CCDC93: variants seen among roughly 807,000 people sequenced by gnomAD.
The protein encoded by CCDC93 is CCC complex scaffolding subunit CCDC93, also known as coiled-coil domain-containing protein 93.
In CCDC93, 61 loss-of-function variants were observed where a neutral mutation model predicts 108.2. The ratio of observed to expected loss-of-function variants is 0.56; its 90% CI spans 0.46 to 0.70. The LOEUF (loss-of-function observed/expected upper bound fraction) is 0.70. Ranked by LOEUF, CCDC93 falls within the 30% of genes least tolerant of loss-of-function variation. The pLI, the probability that CCDC93 is intolerant of heterozygous loss-of-function variation, is 0.00. For missense variants in CCDC93, 685 were observed against 764.2 expected (o/e 0.90, Z 1.22); for synonymous variants, 276 against 260.4 (o/e 1.06, Z -0.58).
At chr2:117,928,428 C>A (rs1432022168) in intron 23 of CCDC93, among the ~76,000 whole-genome samples, 1 of 152,118 alleles carries the variant, frequency 6.6e-6, no homozygotes, top group Non-Finnish European at 1.5e-5. Context: ...AAAAAAACAA[C>A]CCCATCAAAA....
chr2:117,926,886 C>G (rs1198450520), intron 23 of CCDC93, among the ~76,000 whole-genome samples: 1 of 152,154 alleles, frequency 6.6e-6, no homozygotes, highest in Non-Finnish European at 1.5e-5. Context: ...TACTGGCAAA[C>G]CGAATCCAGC....
chr2:117,937,678 G>A (rs1250946291), intron 20 of CCDC93, among the ~76,000 whole-genome samples: 1 of 152,184 alleles, frequency 6.6e-6, no homozygotes, highest in Non-Finnish European at 1.5e-5. Flanking sequence ...CTTTGGGAAG[G>A]GGCTGGCCTA....
At chr2:117,959,805 A>C (rs923867734) in intron 11 of CCDC93, among the ~76,000 whole-genome samples, 1 of 152,194 alleles carries the variant, frequency 6.6e-6, no homozygotes, top group Admixed American at 6.5e-5. Context: ...AAATGTCAAC[A>C]TTATTTTAGC....
intron 11 of CCDC93, among the ~76,000 whole-genome samples, chr2:117,963,922 A>T (rs920255386): frequency 6.6e-6 from 1 of 152,232 alleles, no homozygotes; most frequent in South Asian, 2.1e-4. Flanking sequence ...TCTGAAATGT[A>T]TAAGTTGTGC....
intron 23 of CCDC93, 83 bp from the exon 24 acceptor site, chr2:117,920,479 C>A: frequency 2.1e-6 from 2 of 943,564 alleles, no homozygotes; most frequent in East Asian, 2.5e-5. Flanking sequence ...AAGCCCTTCC[C>A]ATATCCCTAT....
At chr2:117,945,681 A>T in intron 16 of CCDC93, 99 bp from the exon 17 acceptor site, 1 of 966,132 alleles carries the variant, frequency 1.0e-6, no homozygotes. Flanking sequence ...CAGGGGCATA[A>T]GGGTGCAGCT....
Position 117,935,553 on chromosome 2 carries a change from T to C in CCDC93, c.1670A>G (p.Asp557Gly). ...CTGTTCCATCTGACGTAAAAACTGGTCCCGGGCAGCAGGGGAGGCCATGGC... is the reference window on the plus strand; with the variant it reads ...CTGTTCCATCTGACGTAAAAACTGGCCCCGGGCAGCAGGGGAGGCCATGGC... Reference protein sequence around the residue: ...SQAMASPAARDQFLRQMEQIV... With the variant: ...SQAMASPAARGQFLRQMEQIV... The change falls in exon 22 of 24, where the codon GAC (aspartate) becomes GGC (glycine). Residue 557 changes from aspartate (D) to glycine (G), a missense_variant. Asp to Gly is a moderately conservative substitution (Grantham distance 94). Coordinates refer to ENST00000376300, the MANE Select transcript of CCDC93 (RefSeq NM_019044.5). The C allele has an allele frequency of 6.2e-7, 1 of 1,613,842 alleles. No individual in the cohort carries two copies. Among genetic ancestry groups the C allele is most frequent in the Non-Finnish European group, 8.5e-7 (1 of 1,179,854 alleles).
intron 8 of CCDC93, among the ~76,000 whole-genome samples, chr2:117,977,094 C>A (rs984501832): frequency 2.6e-5 from 4 of 152,104 alleles, no homozygotes; most frequent in Non-Finnish European, 5.9e-5. Flanking sequence ...CACCACCACT[C>A]CCGGAGAATG....
chr2:117,946,755 T>A, intron 16 of CCDC93, 56 bp downstream of exon 16: 1 of 1,270,638 alleles, frequency 7.9e-7, no homozygotes, highest in Non-Finnish European at 1.2e-6. Flanking sequence ...CCTCTAGAAC[T>A]ATCTTTTTCC....
chr2:117,963,488 C>T (rs566565622), intron 11 of CCDC93, among the ~76,000 whole-genome samples: 2 of 152,218 alleles, frequency 1.3e-5, no homozygotes, highest in South Asian at 4.1e-4. Context: ...GAATCATCCA[C>T]TTTCCCTGAT....
intron 11 of CCDC93, among the ~76,000 whole-genome samples, chr2:117,965,156 C>A (rs1294912886): frequency 2.6e-5 from 4 of 152,046 alleles, no homozygotes; most frequent in Admixed American, 2.6e-4. Flanking sequence ...TTTAGACCCC[C>A]AAACCCTCCT....
chr2:118,000,631 T>A, intron 4 of CCDC93, 190 bp downstream of exon 4: 1 of 532,070 alleles, frequency 1.9e-6, no homozygotes, highest in Admixed American at 3.3e-5. Flanking sequence ...AGCATGAAAC[T>A]AGAGTATATG....
chr2:117,995,456 A>C lies in CCDC93; in HGVS notation c.509T>G (p.Val170Gly). The change falls in exon 6 of 24, where the codon GTG becomes GGG. Residue 170 changes from valine (V) to glycine (G), a missense_variant. By Grantham distance (109) the Val-to-Gly change is moderately radical. Coordinates refer to ENST00000376300, the MANE Select transcript of CCDC93 (RefSeq NM_019044.5). Reference protein sequence around the residue: ...KRKEKAIKTVVDLSEVYKPRR... With the variant: ...KRKEKAIKTVGDLSEVYKPRR... ...GGCCAGGGGACTTACTGAGAGGTCC[A>C]CAACTGTCTTGATGGCCTTTTCTTT... 1.2e-6 allele frequency: 2 copies of C among 1,613,162 alleles called. No individual in the cohort carries two copies. The highest frequency in any genetic ancestry group is 1.7e-6 in the Non-Finnish European group (2 of 1,179,032).
Position 117,918,561 on chromosome 2 carries a change from A to G in CCDC93, c.*1782T>C, listed in dbSNP as rs1558761711. The G allele has an allele frequency of 1.3e-5, 2 of 152,218 alleles. No individual in the cohort carries two copies. The highest frequency in any genetic ancestry group is 6.5e-5 in the Admixed American group (1 of 15,280). The allele number at this position is 152,218 out of a possible 1,614,324, so 9.4% of individuals were successfully genotyped here. On this transcript the variant is annotated 3_prime_UTR_variant, in exon 24 of 24. Transcript: ENST00000376300. ...CAAATAACTGCCCCAACTGCTCACA[A>G]AGTTCAGTTAGCCAGGGGTGGGCCT...
intron 11 of CCDC93, among the ~76,000 whole-genome samples, chr2:117,963,066 A>G (rs964518125): frequency 6.6e-6 from 1 of 152,194 alleles, no homozygotes; most frequent in African/African-American, 2.4e-5. Context: ...GCAAAAGCAG[A>G]TCTTCCCTGA....
intron 23 of CCDC93, among the ~76,000 whole-genome samples, chr2:117,924,886 G>A (rs1678022537): frequency 6.6e-6 from 1 of 152,186 alleles, no homozygotes; most frequent in African/African-American, 2.4e-5. Flanking sequence ...GAAAGCTCAG[G>A]TTACCCACAA....
intron 21 of CCDC93, among the ~76,000 whole-genome samples, chr2:117,936,273 G>A (rs1300566231): frequency 6.6e-6 from 1 of 151,762 alleles, no homozygotes; most frequent in African/African-American, 2.4e-5. Flanking sequence ...GGAACAGGTG[G>A]GCCTTGACAT....
chr2:117,967,021 C>T (rs1679605191), intron 11 of CCDC93, among the ~76,000 whole-genome samples: 1 of 152,150 alleles, frequency 6.6e-6, no homozygotes, highest in Non-Finnish European at 1.5e-5. Context: ...GAAACAAAGT[C>T]TCTCTCTGTC....
At chr2:117,925,632 G>C (rs1025538507) in intron 23 of CCDC93, among the ~76,000 whole-genome samples, 1 of 152,150 alleles carries the variant, frequency 6.6e-6, no homozygotes, top group Non-Finnish European at 1.5e-5. Flanking sequence ...CAAGTCCTTA[G>C]AGACCTACAA....
Sources: allele counts gnomAD v4.1 joint callset (sites outside exome capture counted in the v4.1 genomes callset), GRCh38; gene constraint gnomAD v4.1.1; transcripts MANE v1.5; gene names NCBI Gene and HGNC (gene_info 2026-07-23, HGNC 2026-07-21).